The following CNDP2 variants were observed in gnomAD, a reference collection of about 807,000 sequenced individuals.
CNDP2 encodes carnosine dipeptidase 2, also known as cytosolic non-specific dipeptidase.
A neutral mutation model predicts 55.0 loss-of-function variants in CNDP2; 38 were observed. The ratio of observed to expected loss-of-function variants is 0.69; its 90% CI spans 0.53 to 0.90. The LOEUF is 0.90. Among genes scored for constraint, CNDP2 ranks in the 40% least tolerant of loss-of-function variants. The probability of loss-of-function intolerance (pLI) is 0.00; values close to 1 mark genes in which losing one functional copy is unlikely to be tolerated. For synonymous variants in CNDP2, 241 were observed against 260.2 expected (o/e 0.93, Z 0.71); for missense variants, 607 against 621.7 (o/e 0.98, Z 0.25).
Position 74,521,823 on chromosome 18 carries a change from A to T in CNDP2, c.*1755A>T, listed in dbSNP as rs1331802691. 1 of 152,222 alleles carries T rather than the reference A, an allele frequency of 6.6e-6. No individual in the cohort carries two copies. The highest frequency in any genetic ancestry group is 2.4e-5 in the African/African-American group (1 of 41,458). 9.4% of individuals were successfully genotyped at this position (152,222 alleles called of 1,614,324 possible). A position where few individuals can be genotyped will look rare whatever the true frequency, so the allele number is the denominator to read the frequency against. The stretch of plus-strand genomic sequence containing the variant: ...TCTCAAATTGGTAGGCAAAGGTTTA[A>T]AGAACGGGATATTTGCTTAGCTTAA... On this transcript the variant is annotated 3_prime_UTR_variant, in exon 12 of 12. Transcript: ENST00000324262.
At position 74,520,497 on chromosome 18, in the gene CNDP2, G is replaced by A. The variant is rs1979988196; in HGVS notation, c.*429G>A. ...AAACAAGACTCTGTCTCTACAAAAA[G>A]TTTAAGAAATGAGCCAGACATGGTG... On this transcript the variant is annotated 3_prime_UTR_variant, in exon 12 of 12. Coordinates refer to ENST00000324262, the MANE Select transcript of CNDP2 (RefSeq NM_018235.3). 1 of 182,102 alleles carries A rather than the reference G, an allele frequency of 5.5e-6. No homozygotes were observed. Among genetic ancestry groups the A allele is most frequent in the Non-Finnish European group, 1.1e-5 (1 of 87,336 alleles). 11.3% of individuals were successfully genotyped at this position (182,102 alleles called of 1,614,324 possible).
chr18:74,519,145 C>T, intron 11 of CNDP2, 49 bp downstream of exon 11: 2 of 1,541,624 alleles, frequency 1.3e-6, no homozygotes, highest in Admixed American at 1.9e-5. Flanking sequence ...CACAGCGTCC[C>T]TCTCGCCCCT....
In CNDP2 at chr18:74,506,278, G is replaced by A. The variant is rs571086697; in HGVS notation, c.367+267G>A. Among the ~76,000 whole-genome samples, 101 of 152,238 alleles carry A rather than the reference G, an allele frequency of 6.6e-4. 1 individual carries two copies. Among genetic ancestry groups the A allele is most frequent in the African/African-American group, 2.3e-3 (97 of 41,530 alleles). ...GCCTCCCCAGTAGCTGGGATTACGG[G>A]CGCCCATCACCACGCCTGGCTAGTT... On this transcript the variant is annotated intron_variant, in intron 4 of 11. Coordinates refer to ENST00000324262, the MANE Select transcript of CNDP2 (RefSeq NM_018235.3).
intron 1 of CNDP2, 58 bp downstream of exon 1, chr18:74,496,489 T>A (rs1206019294): frequency 6.6e-6 from 1 of 151,900 alleles, no homozygotes; most frequent in Non-Finnish European, 1.5e-5. Flanking sequence ...GGGAACGGGC[T>A]GGGCGGGGAG....
Position 74,519,031 on chromosome 18 carries a change from C to T in CNDP2, c.1293C>T (p.Asn431=), listed in dbSNP as rs141146483. 3.7e-5 allele frequency: 59 copies of T among 1,613,858 alleles called. No individual in the cohort carries two copies. The highest frequency in any genetic ancestry group is 4.5e-5 in the Non-Finnish European group (53 of 1,179,912). The change falls in exon 11 of 12, where the codon AAC becomes AAT. Residue 431 remains asparagine (N), a synonymous_variant. Coordinates refer to ENST00000324262, the MANE Select transcript of CNDP2 (RefSeq NM_018235.3). ...CCTTTCAGGAGGCCACGGGCAAGAACGTCATGCTGCTGCCTGTGGGGTCAG... is the reference window on the plus strand; with the variant it reads ...CCTTTCAGGAGGCCACGGGCAAGAATGTCATGCTGCTGCCTGTGGGGTCAG... ...TLTFQEATGK[N]VMLLPVGSAD... is the part of the protein sequence containing the mutation.
At position 74,518,996 on chromosome 18, in the gene CNDP2, G is replaced by T; in HGVS notation, c.1258G>T (p.Val420Leu). ...DLTREGGSIP[V>L]TLTFQEATGK... Reference sequence around the variant, plus strand: ...GACCAGGGAAGGCGGCAGTATTCCCGTGACCTTGACCTTTCAGGAGGCCAC... The same window carrying T: ...GACCAGGGAAGGCGGCAGTATTCCCTTGACCTTGACCTTTCAGGAGGCCAC... Residue 420 changes from valine (V) to leucine (L), a missense_variant, in exon 11 of 12, where the codon GTG becomes TTG. Coordinates refer to ENST00000324262, the MANE Select transcript of CNDP2 (RefSeq NM_018235.3). 6.2e-7 allele frequency: 1 copy of T among 1,614,134 alleles called. No homozygotes were observed. Among genetic ancestry groups the T allele is most frequent in the South Asian group, 1.1e-5 (1 of 91,082 alleles).
At chr18:74,501,603 G>C in intron 3 of CNDP2, 131 bp downstream of exon 3, 2 of 1,192,000 alleles carry the variant, frequency 1.7e-6, no homozygotes, top group Non-Finnish European at 2.3e-6. Flanking sequence ...AAAAAGGAAG[G>C]GCCTGATTTG....
chr18:74,517,406 G>A (rs985340980), intron 9 of CNDP2: 2 of 152,136 alleles, frequency 1.3e-5, no homozygotes, highest in Non-Finnish European at 2.9e-5. Flanking sequence ...GAGCTTCGGT[G>A]CGTGCTGAAT....
chr18:74,497,735 A>G (rs1242512052), intron 1 of CNDP2: 1 of 152,218 alleles, frequency 6.6e-6, no homozygotes, highest in Non-Finnish European at 1.5e-5. Flanking sequence ...CAGTGAGCCA[A>G]AATCACAGCA....
chr18:74,513,806 A>AG, intron 8 of CNDP2, 87 bp downstream of exon 8: 1 of 1,403,498 alleles, frequency 7.1e-7, no homozygotes, highest in South Asian at 1.3e-5. Flanking sequence ...CCCTGGGTCC[A>AG]GGGGGTCTCT....
chr18:74,502,305 A>G (rs1255008546), intron 3 of CNDP2, among the ~76,000 whole-genome samples: 2 of 152,228 alleles, frequency 1.3e-5, no homozygotes, highest in Non-Finnish European at 2.9e-5. Context: ...CACGTCATCC[A>G]TAGGTTCTTA....
chr18:74,508,669 T>A (rs1979168042), intron 4 of CNDP2, 171 bp from the exon 5 acceptor site: 1 of 587,032 alleles, frequency 1.7e-6, no homozygotes, highest in Non-Finnish European at 3.1e-6. Flanking sequence ...GATGCCAAAT[T>A]CTCTGACAAA....
intron 8 of CNDP2, 154 bp downstream of exon 8, chr18:74,513,873 C>G: frequency 1.3e-6 from 1 of 740,752 alleles, no homozygotes; most frequent in Non-Finnish European, 2.1e-6. Context: ...AGACTGTGAC[C>G]AGGTTGCTGG....
In CNDP2 at chr18:74,508,847, G is replaced by A. The variant is rs1979179171; in HGVS notation, c.375G>A (p.Leu125=). The A allele has an allele frequency of 3.7e-6, 6 of 1,613,984 alleles. No homozygotes were observed. Among genetic ancestry groups the A allele is most frequent in the Non-Finnish European group, 5.1e-6 (6 of 1,179,876 alleles). The change falls in exon 5 of 12, where the codon CTG becomes CTA. Residue 125 remains leucine (L), a synonymous_variant. Coordinates refer to ENST00000324262, the MANE Select transcript of CNDP2 (RefSeq NM_018235.3). ...PFTLVERDGK[L]YGRGSTDDKG... The stretch of plus-strand genomic sequence containing the variant: ...TGTGGATTGCTGTTCTAGGCAAGCT[G>A]TATGGGAGAGGTTCGACTGATGATA...
Position 74,508,947 on chromosome 18 carries a change from C to T in CNDP2, c.456+19C>T, listed in dbSNP as rs1277509315. The T allele has an allele frequency of 6.2e-7, 1 of 1,606,638 alleles. No individual in the cohort carries two copies. The highest frequency in any genetic ancestry group is 8.5e-7 in the Non-Finnish European group (1 of 1,173,734). ...AGGCCAGGTATGCCCCCCACGCTGA[C>T]TTCTGCCTGAGTCCTGGGTTCCATC... On this transcript the variant is annotated intron_variant, in intron 5 of 11. Coordinates refer to ENST00000324262, the MANE Select transcript of CNDP2 (RefSeq NM_018235.3).
At chr18:74,508,708 G>A (rs1388628581) in intron 4 of CNDP2, 132 bp from the exon 5 acceptor site, 3 of 668,338 alleles carry the variant, frequency 4.5e-6, no homozygotes, top group Non-Finnish European at 2.7e-6. Flanking sequence ...TGGAAATTGG[G>A]GGCTCCTGAT....
intron 3 of CNDP2, among the ~76,000 whole-genome samples, chr18:74,503,078 T>TTTTTTTTTTTTTTTTTA (rs1978803411): frequency 7.0e-6 from 1 of 143,344 alleles, no homozygotes; most frequent in African/African-American, 2.8e-5. Flanking sequence ...CTTTCGTTTT[T>TTTTTTTTTTTTTTTTTA]TTTTTTTTCC....
At position 74,522,184 on chromosome 18, in the gene CNDP2, T is replaced by C. The variant is rs1431859254; in HGVS notation, c.*2116T>C. On this transcript the variant is annotated 3_prime_UTR_variant, in exon 12 of 12. Coordinates refer to ENST00000324262, the MANE Select transcript of CNDP2 (RefSeq NM_018235.3). ...GGCTTTTGCATCTTTTCTCTAAGTC[T>C]CCTGTCATTTCAAAGTAAAAACAAA... 1 of 152,236 alleles carries C rather than the reference T, an allele frequency of 6.6e-6. No individual in the cohort carries two copies. Among genetic ancestry groups the C allele is most frequent in the East Asian group, 1.9e-4 (1 of 5,198 alleles). The allele number at this position is 152,236 out of a possible 1,614,324, so 9.4% of individuals were successfully genotyped here. A position where few individuals can be genotyped will look rare whatever the true frequency, so the allele number is the denominator to read the frequency against.
chr18:74,509,513 A>G (rs1005286090), intron 5 of CNDP2: 1 of 152,284 alleles, frequency 6.6e-6, no homozygotes, highest in Non-Finnish European at 1.5e-5. Flanking sequence ...GGGCACCTGT[A>G]ATCCCAGCTC....
Sources: gnomAD v4.1 joint callset for allele counts (sites outside exome capture counted in the v4.1 genomes callset) on GRCh38, gnomAD v4.1.1 for gene constraint, MANE v1.5 for transcripts, NCBI Gene and HGNC (gene_info 2026-07-23, HGNC 2026-07-21) for gene names.